The following KCNMA1 variants were observed in gnomAD, a reference collection of about 807,000 sequenced individuals.
KCNMA1 encodes potassium calcium-activated channel subfamily M alpha 1, also known as Calcium-activated potassium channel subunit alpha-1.
KCNMA1 carries 29 observed loss-of-function variants against 140.0 expected under a neutral mutation model. That is an observed-to-expected ratio of 0.21 (90% CI 0.15 to 0.28). The LOEUF is 0.28. Ranked by LOEUF, KCNMA1 falls within the 10% of genes least tolerant of loss-of-function variation. The probability of loss-of-function intolerance (pLI) is 1.00; values close to 1 mark genes in which losing one functional copy is unlikely to be tolerated. For synonymous variants in KCNMA1, 612 were observed against 611.9 expected, an observed-to-expected ratio of 1.00 and a Z score of 0.00; for missense variants, 880 against 1,602.2, an observed-to-expected ratio of 0.55 and a Z score of 7.70.
chr10:77,397,617 A>G (rs2096104395), intron 2 of KCNMA1, among the ~76,000 whole-genome samples: 1 of 152,222 alleles, frequency 6.6e-6, no homozygotes, highest in Admixed American at 6.5e-5. Context: ...TTCTATAAAT[A>G]CAGTTTATTT....
intron 1 of KCNMA1, among the ~76,000 whole-genome samples, chr10:77,559,643 T>C (rs2065690083): frequency 6.6e-6 from 1 of 152,174 alleles, no homozygotes. Flanking sequence ...AAAAGAACTA[T>C]AGCCCTTCAG....
rs1411278676 is a variant in KCNMA1, at chr10:76,910,287, TA to T, written c.3017-192del. 6.5e-6 allele frequency: 4 copies of T among 615,000 alleles called. No homozygotes were observed. The Admixed American group carries it at 9.2e-5, about 14-fold the overall frequency. 38.1% of individuals were successfully genotyped at this position (615,000 alleles called of 1,614,324 possible). On this transcript the variant is annotated intron_variant, in intron 24 of 27. Coordinates refer to ENST00000286628, the MANE Select transcript of KCNMA1 (RefSeq NM_001161352.2). ...AATGGACTGTTCCTGTGTCACTGTT[TA>T]AGTGTCTGAGACCTGGAGAGCAATA...
intron 22 of KCNMA1, chr10:76,948,845 C>T (rs968471312): frequency 3.6e-5 from 17 of 468,500 alleles, no homozygotes; most frequent in Admixed American, 1.3e-4. Flanking sequence ...TAACAATGCT[C>T]TAGGTTTTGT....
At chr10:77,436,336 T>C (rs1166486791) in intron 1 of KCNMA1, among the ~76,000 whole-genome samples, 1 of 152,090 alleles carries the variant, frequency 6.6e-6, no homozygotes, top group Non-Finnish European at 1.5e-5. Context: ...GGAATTGGAG[T>C]TGACTATTTA....
chr10:77,065,039 C>A (rs911415930), intron 14 of KCNMA1, among the ~76,000 whole-genome samples: 3 of 152,132 alleles, frequency 2.0e-5, no homozygotes, highest in African/African-American at 7.2e-5. Context: ...ATTACAAGTC[C>A]CCGCTGGTCC....
intron 5 of KCNMA1, among the ~76,000 whole-genome samples, chr10:77,146,624 C>T (rs1013567116): frequency 7.2e-6 from 1 of 139,704 alleles, no homozygotes; most frequent in African/African-American, 2.6e-5. Flanking sequence ...ATCACTTGAA[C>T]CCAGGAGGTG....
At chr10:77,184,781 A>C (rs1419702447) in intron 4 of KCNMA1, 42 bp downstream of exon 4, 1 of 1,235,206 alleles carries the variant, frequency 8.1e-7, no homozygotes, top group South Asian at 1.2e-5. Context: ...TCCCAGACTG[A>C]AACACCCCAT....
intron 2 of KCNMA1, among the ~76,000 whole-genome samples, chr10:77,363,117 A>ATTTT (rs757624721): frequency 4.9e-5 from 3 of 61,212 alleles, no homozygotes; most frequent in Non-Finnish European, 9.9e-5. Flanking sequence ...AAGAATTATT[A>ATTTT]TTATTTTTTT....
Position 77,369,442 on chromosome 10 carries a change from C to T in KCNMA1, c.540+34420G>A, listed in dbSNP as rs7906219. ...TGGCAGCCATGTGTGAACCTCTACTCTAAACCCAGTCTGGGCTCTTGTGGC... is the reference window on the plus strand; with the variant it reads ...TGGCAGCCATGTGTGAACCTCTACTTTAAACCCAGTCTGGGCTCTTGTGGC... On this transcript the variant is annotated intron_variant, in intron 2 of 27. Coordinates refer to ENST00000286628, the MANE Select transcript of KCNMA1 (RefSeq NM_001161352.2). 6.9e-3 allele frequency among the ~76,000 whole-genome samples: 1,057 copies of T among 152,292 alleles called. 14 individuals are homozygous for T. The highest frequency in any genetic ancestry group is 0.024 in the African/African-American group (1,006 of 41,548).
intron 3 of KCNMA1, among the ~76,000 whole-genome samples, chr10:77,245,575 T>C (rs1205948800): frequency 6.6e-6 from 1 of 152,162 alleles, no homozygotes; most frequent in Non-Finnish European, 1.5e-5. Flanking sequence ...TTTCCTGAAG[T>C]CCATTAGTTT....
intron 2 of KCNMA1, among the ~76,000 whole-genome samples, chr10:77,254,827 G>C (rs1328693793): frequency 6.6e-6 from 1 of 152,192 alleles, no homozygotes; most frequent in African/African-American, 2.4e-5. Context: ...AGAAGCCCAA[G>C]GGACATGGTA....
chr10:77,112,807 C>T (rs902511520), intron 6 of KCNMA1, among the ~76,000 whole-genome samples: 1 of 151,850 alleles, frequency 6.6e-6, no homozygotes, highest in South Asian at 2.1e-4. Flanking sequence ...CTTATCCCCC[C>T]CGCCCTTTTT....
At chr10:77,280,464 C>G (rs2068103175) in intron 2 of KCNMA1, among the ~76,000 whole-genome samples, 1 of 152,208 alleles carries the variant, frequency 6.6e-6, no homozygotes, top group Non-Finnish European at 1.5e-5. Context: ...TTTCCACATT[C>G]ATTTAAATAT....
In KCNMA1 at chr10:77,417,713, A is replaced by C. The variant is rs114081955; in HGVS notation, c.379-13690T>G. On this transcript the variant is annotated intron_variant, in intron 1 of 27. Coordinates refer to ENST00000286628, the MANE Select transcript of KCNMA1 (RefSeq NM_001161352.2). ...CCAGTCTGTGCCTATAGACCTCACC[A>C]ACTGAACATGTTCCCGCTTCTTCCA... Among the ~76,000 whole-genome samples the C allele has an allele frequency of 9.2e-3, 1,405 of 152,284 alleles. 14 individuals are homozygous for C. Among genetic ancestry groups the C allele is most frequent in the African/African-American group, 0.032 (1,322 of 41,552 alleles).
rs150814741 is a variant in KCNMA1 at position 77,594,167 on chromosome 10, C to A, written c.378+43098G>T. Reference sequence around the variant, plus strand: ...AATGGTCAAAGTCAAGGTGAGGGGGCAGCTCCCCCAGAGGTGCCAGGTTTA... The same window carrying A: ...AATGGTCAAAGTCAAGGTGAGGGGGAAGCTCCCCCAGAGGTGCCAGGTTTA... On this transcript the variant is annotated intron_variant, in intron 1 of 27. Coordinates refer to ENST00000286628, the MANE Select transcript of KCNMA1 (RefSeq NM_001161352.2). 5.2e-3 allele frequency among the ~76,000 whole-genome samples: 785 copies of A among 152,286 alleles called. 4 individuals are homozygous for A. The highest frequency in any genetic ancestry group is 0.018 in the African/African-American group (764 of 41,540).
intron 1 of KCNMA1, chr10:77,636,366 G>C: frequency 6.5e-7 from 1 of 1,533,034 alleles, no homozygotes; most frequent in South Asian, 1.2e-5. Flanking sequence ...CAGTGCCGGT[G>C]GGCGTCTGCA....
In KCNMA1 at chr10:77,402,009, T is replaced by C. The variant is rs78881654; in HGVS notation, c.540+1853A>G. ...GCCCAGAATTAGTGTTCAGTAACTC[T>C]TGCAATGCTGATGAAGAAAATTAGA... On this transcript the variant is annotated intron_variant, in intron 2 of 27. Transcript: ENST00000286628. 9.2e-5 allele frequency among the ~76,000 whole-genome samples: 14 copies of C among 152,350 alleles called. No homozygotes were observed. In the East Asian group the frequency reaches 2.5e-3, roughly 27 times the overall value.
chr10:77,544,600 T>G (rs963264769), intron 1 of KCNMA1, among the ~76,000 whole-genome samples: 1 of 152,162 alleles, frequency 6.6e-6, no homozygotes, highest in African/African-American at 2.4e-5. Flanking sequence ...TTTCCCTAAC[T>G]GTGAGCTAAG....
intron 1 of KCNMA1, among the ~76,000 whole-genome samples, chr10:77,595,721 A>G (rs984824684): frequency 6.6e-6 from 1 of 152,158 alleles, no homozygotes; most frequent in South Asian, 2.1e-4. Flanking sequence ...GCTGGAGTGC[A>G]GTGGCGCAAT....
Sources: allele counts gnomAD v4.1 joint callset (sites outside exome capture counted in the v4.1 genomes callset), GRCh38; gene constraint gnomAD v4.1.1; transcripts MANE v1.5; gene names NCBI Gene and HGNC (gene_info 2026-07-23, HGNC 2026-07-21).